RBFOX1: variants seen among roughly 807,000 people sequenced by gnomAD.
The protein encoded by RBFOX1 is RNA binding protein fox-1 homolog 1.
A neutral mutation model predicts 57.7 loss-of-function variants in RBFOX1; 8 were observed. The ratio of observed to expected loss-of-function variants is 0.14; its 90% CI spans 0.08 to 0.25. RBFOX1 has a LOEUF of 0.25. RBFOX1 is among the 10% of genes least tolerant of loss of function. The probability of loss-of-function intolerance (pLI) is 1.00; values close to 1 mark genes in which losing one functional copy is unlikely to be tolerated. For missense variants in RBFOX1, 611 were observed against 548.5 expected, an observed-to-expected ratio of 1.11 and a Z score of -1.14; for synonymous variants, 326 against 222.4, an observed-to-expected ratio of 1.47 and a Z score of -4.15.
At chr16:7,190,172 C>A (rs1340489030) in intron 4 of RBFOX1, among the ~76,000 whole-genome samples, 2 of 152,056 alleles carry the variant, frequency 1.3e-5, no homozygotes, top group African/African-American at 2.4e-5. Flanking sequence ...ACCAGCCTTG[C>A]CAACATGGTG....
chr16:6,115,776 C>A (rs148047007), intron 1 of RBFOX1, among the ~76,000 whole-genome samples: 1 of 152,236 alleles, frequency 6.6e-6, no homozygotes, highest in East Asian at 1.9e-4. Flanking sequence ...GGTCATAATT[C>A]CCCAATCCCT....
intron 3 of RBFOX1, among the ~76,000 whole-genome samples, chr16:7,019,604 C>T (rs1224803558): frequency 6.6e-6 from 1 of 151,432 alleles, no homozygotes; most frequent in Non-Finnish European, 1.5e-5. Flanking sequence ...TACGTAGTTT[C>T]ATTTTACAGT....
chr16:5,970,527 G>A (rs1040763608), intron 4 of RBFOX1, among the ~76,000 whole-genome samples: 5 of 152,100 alleles, frequency 3.3e-5, no homozygotes, highest in African/African-American at 9.7e-5. Context: ...CACATTTCCA[G>A]TTTCAACCAA....
At chr16:6,803,462 A>G (rs2085976238) in intron 3 of RBFOX1, among the ~76,000 whole-genome samples, 1 of 152,198 alleles carries the variant, frequency 6.6e-6, no homozygotes, top group Non-Finnish European at 1.5e-5. Flanking sequence ...ATTTGTTATT[A>G]CTTTCCTAGG....
intron 4 of RBFOX1, among the ~76,000 whole-genome samples, chr16:5,892,409 A>T (rs570161916): frequency 6.6e-6 from 1 of 152,108 alleles, no homozygotes; most frequent in Non-Finnish European, 1.5e-5. Flanking sequence ...GTATCTCTTT[A>T]TATGCCTCAG....
chr16:5,848,137 C>T (rs906812389), intron 3 of RBFOX1, among the ~76,000 whole-genome samples: 3 of 152,088 alleles, frequency 2.0e-5, no homozygotes, highest in African/African-American at 7.2e-5. Context: ...GTGAAAATGG[C>T]ATACAAACTG....
chr16:6,971,136 G>A lies in RBFOX1; in HGVS notation c.-15-80921G>A, dbSNP rs966211524. On this transcript the variant is annotated intron_variant, in intron 3 of 15. Coordinates refer to ENST00000550418, the MANE Select transcript of RBFOX1 (RefSeq NM_018723.4). Reference sequence around the variant, plus strand: ...GGAGGAAGACAGACATTTGACAATTGAGTGGGTCTACTAATACATAGGAAG... The same window carrying A: ...GGAGGAAGACAGACATTTGACAATTAAGTGGGTCTACTAATACATAGGAAG... 3.3e-5 allele frequency among the ~76,000 whole-genome samples: 5 copies of A among 152,162 alleles called. 1 individual carries two copies. Among genetic ancestry groups the A allele is most frequent in the Admixed American group, 1.3e-4 (2 of 15,272 alleles).
intron 4 of RBFOX1, among the ~76,000 whole-genome samples, chr16:7,455,106 C>G (rs2058235299): frequency 6.6e-6 from 1 of 152,204 alleles, no homozygotes; most frequent in Admixed American, 6.5e-5. Context: ...ATTGTATTTT[C>G]TGCCATCTTG....
intron 3 of RBFOX1, among the ~76,000 whole-genome samples, chr16:5,645,225 G>C (rs894892092): frequency 6.6e-6 from 1 of 151,084 alleles, no homozygotes; most frequent in African/African-American, 2.4e-5. Flanking sequence ...CTCCAGCCTG[G>C]GCAGCAAAAA....
chr16:7,639,129 C>T (rs1281180834), intron 11 of RBFOX1, among the ~76,000 whole-genome samples: 2 of 152,114 alleles, frequency 1.3e-5, no homozygotes, highest in African/African-American at 4.8e-5. Flanking sequence ...GTTTTGCTTG[C>T]ACAATGATCA....
At chr16:5,642,552 T>G (rs1452734483) in intron 3 of RBFOX1, among the ~76,000 whole-genome samples, 1 of 152,166 alleles carries the variant, frequency 6.6e-6, no homozygotes, top group Admixed American at 6.5e-5. Flanking sequence ...CATAAGCAAG[T>G]GCTTATTCCC....
chr16:6,641,184 A>G (rs749290343), intron 2 of RBFOX1, among the ~76,000 whole-genome samples: 6 of 152,132 alleles, frequency 3.9e-5, no homozygotes, highest in Non-Finnish European at 8.8e-5. Context: ...TGTATTTGCA[A>G]ACTGCATCTT....
At chr16:5,914,073 T>C (rs2058657775) in intron 4 of RBFOX1, among the ~76,000 whole-genome samples, 1 of 152,188 alleles carries the variant, frequency 6.6e-6, no homozygotes, top group Non-Finnish European at 1.5e-5. Flanking sequence ...ACCCACAACT[T>C]TCATGAGATG....
At chr16:6,483,375 G>T (rs2095406221) in intron 2 of RBFOX1, 1 of 1,513,406 alleles carries the variant, frequency 6.6e-7, no homozygotes, top group South Asian at 1.2e-5. Context: ...AAGGCGCGCG[G>T]CGCGCACGAC....
chr16:5,617,231 C>A (rs1483293143), intron 3 of RBFOX1, among the ~76,000 whole-genome samples: 3 of 152,212 alleles, frequency 2.0e-5, no homozygotes, highest in African/African-American at 7.2e-5. Context: ...ATCTTTAGCA[C>A]ATGGCATTCC....
intron 4 of RBFOX1, among the ~76,000 whole-genome samples, chr16:5,904,332 A>C (rs1255349804): frequency 6.6e-6 from 1 of 151,976 alleles, no homozygotes. Flanking sequence ...CTTCCCCTCG[A>C]CTTTGATGCC....
intron 3 of RBFOX1, among the ~76,000 whole-genome samples, chr16:7,045,590 G>C (rs1027991512): frequency 6.6e-6 from 1 of 152,038 alleles, no homozygotes; most frequent in South Asian, 2.1e-4. Flanking sequence ...GTGCTTTTGT[G>C]AGTCTGGCAA....
At chr16:7,486,867 CAGTT>C (rs1393325562) in intron 4 of RBFOX1, among the ~76,000 whole-genome samples, 1 of 152,132 alleles carries the variant, frequency 6.6e-6, no homozygotes, top group Non-Finnish European at 1.5e-5. Flanking sequence ...TGCCACTCTG[CAGTT>C]AGTTCAAACA....
At chr16:7,119,819 T>C (rs935797801) in intron 4 of RBFOX1, among the ~76,000 whole-genome samples, 1 of 152,122 alleles carries the variant, frequency 6.6e-6, no homozygotes, top group Non-Finnish European at 1.5e-5. Context: ...AACGAGGCTG[T>C]AGAAGTACTG....
Sources: allele counts gnomAD v4.1 joint callset (sites outside exome capture counted in the v4.1 genomes callset), GRCh38; gene constraint gnomAD v4.1.1; transcripts MANE v1.5; gene names NCBI Gene and HGNC (gene_info 2026-07-23, HGNC 2026-07-21).